The following RABEP1 variants were observed in gnomAD, a reference collection of about 807,000 sequenced individuals.
RABEP1 encodes the protein rab GTPase-binding effector protein 1.
A neutral mutation model predicts 123.4 loss-of-function variants in RABEP1; 51 were observed. The observed-to-expected ratio is 0.41, with a 90% CI of 0.33 to 0.52. The LOEUF is 0.52. Among genes scored for constraint, RABEP1 ranks in the 20% least tolerant of loss-of-function variants. The probability of loss-of-function intolerance (pLI) is 0.16; values close to 1 mark genes in which losing one functional copy is unlikely to be tolerated. For synonymous variants in RABEP1, 347 were observed against 355.2 expected (o/e 0.98, Z 0.26); for missense variants, 888 against 996.3 (o/e 0.89, Z 1.46).
chr17:5,327,332 A>T (rs771308214), intron 2 of RABEP1, among the ~76,000 whole-genome samples: 4 of 150,348 alleles, frequency 2.7e-5, no homozygotes, highest in African/African-American at 4.9e-5. Flanking sequence ...TGGGAGACAG[A>T]GTGAGATTCT....
At chr17:5,380,853 G>GT (rs1231237600) in intron 16 of RABEP1, among the ~76,000 whole-genome samples, 1 of 152,256 alleles carries the variant, frequency 6.6e-6, no homozygotes, top group Non-Finnish European at 1.5e-5. Context: ...AAACGTGCAT[G>GT]TTGTGGGGGT....
chr17:5,297,559 A>G lies in RABEP1; in HGVS notation c.35-11135A>G, dbSNP rs535720967. Among the ~76,000 whole-genome samples the G allele has an allele frequency of 7.7e-4, 118 of 152,304 alleles. 1 individual carries two copies. The highest frequency in any genetic ancestry group is 1.0e-3 in the Non-Finnish European group (71 of 68,030). On this transcript the variant is annotated intron_variant, in intron 1 of 17. Coordinates refer to ENST00000537505, the MANE Select transcript of RABEP1 (RefSeq NM_004703.6). ...TCTGCTACTTACTAGCTGTATATCA[A>G]TAGGTTAGCTTAATCTTAGAATGTT...
At chr17:5,367,756 CT>C (rs961377229) in intron 11 of RABEP1, among the ~76,000 whole-genome samples, 29 of 146,516 alleles carry the variant, frequency 2.0e-4, no homozygotes, top group South Asian at 2.3e-4. Flanking sequence ...AATTTTCTCT[CT>C]TTTTTTTTTA....
At chr17:5,382,312 C>T (rs923919405) in intron 17 of RABEP1, among the ~76,000 whole-genome samples, 5 of 151,152 alleles carry the variant, frequency 3.3e-5, no homozygotes, top group East Asian at 2.0e-4. Context: ...AAACTCCTGA[C>T]CTCAGGTGAT....
intron 4 of RABEP1, among the ~76,000 whole-genome samples, chr17:5,337,718 G>C (rs1396904754): frequency 6.6e-6 from 1 of 151,958 alleles, no homozygotes; most frequent in Non-Finnish European, 1.5e-5. Context: ...TTTATTATGT[G>C]TATTTCCTTT....
rs776950646 is a variant in RABEP1, at chr17:5,386,187, G to T, written c.*2964G>T. On this transcript the variant is annotated 3_prime_UTR_variant, in exon 18 of 18. Coordinates refer to ENST00000537505, the MANE Select transcript of RABEP1 (RefSeq NM_004703.6). The stretch of plus-strand genomic sequence containing the variant: ...CTTCAATGGTGTTCAGTTCAGGTGT[G>T]AGTCAGCTCCTGGTGGTGTCAGAAG... 18 of 1,601,286 alleles carry T rather than the reference G, an allele frequency of 1.1e-5. 1 individual carries two copies. The South Asian group carries it at 1.9e-4, about 17-fold the overall frequency.
intron 2 of RABEP1, among the ~76,000 whole-genome samples, chr17:5,320,439 A>AAG (rs1555520173): frequency 1.9e-4 from 24 of 128,952 alleles, no homozygotes; most frequent in Admixed American, 1.1e-3. Flanking sequence ...AAAAAAAAAA[A>AAG]AAAAAGAAAA....
chr17:5,341,743 T>C (rs979739525), intron 5 of RABEP1, among the ~76,000 whole-genome samples: 15 of 152,232 alleles, frequency 9.9e-5, no homozygotes, highest in Admixed American at 4.6e-4. Flanking sequence ...AAATACATCA[T>C]GACCAAGTAG....
At chr17:5,362,671 C>T (rs1909655592) in intron 9 of RABEP1, among the ~76,000 whole-genome samples, 1 of 152,172 alleles carries the variant, frequency 6.6e-6, no homozygotes, top group Admixed American at 6.5e-5. Flanking sequence ...GTGTTTTCCT[C>T]ACATGTGATG....
At chr17:5,311,828 G>A (rs1209631488) in intron 2 of RABEP1, among the ~76,000 whole-genome samples, 2 of 151,594 alleles carry the variant, frequency 1.3e-5, no homozygotes, top group Admixed American at 6.6e-5. Flanking sequence ...TTTACTGCTA[G>A]AAAAAGATAG....
intron 15 of RABEP1, 29 bp from the exon 16 acceptor site, chr17:5,380,335 G>T: frequency 1.4e-6 from 2 of 1,474,646 alleles, no homozygotes; most frequent in South Asian, 1.2e-5. Flanking sequence ...GGGAGTTTCT[G>T]TGAGTTTCAG....
chr17:5,332,112 G>T lies in RABEP1; in HGVS notation c.327G>T (p.Gln109His), dbSNP rs770073591. 1 of 1,614,014 alleles carries T rather than the reference G, an allele frequency of 6.2e-7. No homozygotes were observed. Among genetic ancestry groups the T allele is most frequent in the African/African-American group, 1.3e-5 (1 of 74,934 alleles). ...AAGCTATAGATGAAGTGAAAAGACA[G>T]TGGAGAGAAGAAGTTGCTTCACTTC... ...KQEAIDEVKR[Q>H]WREEVASLQA... Residue 109 changes from glutamine (Q) to histidine (H), a missense_variant, in exon 3 of 18, where the codon CAG becomes CAT. Coordinates refer to ENST00000537505, the MANE Select transcript of RABEP1 (RefSeq NM_004703.6).
intron 16 of RABEP1, among the ~76,000 whole-genome samples, chr17:5,380,727 C>T (rs1357922749): frequency 6.6e-6 from 1 of 152,226 alleles, no homozygotes; most frequent in Non-Finnish European, 1.5e-5. Context: ...CTGGGCACTG[C>T]CCAGTTAGAA....
chr17:5,314,613 G>A (rs921384749), intron 2 of RABEP1, among the ~76,000 whole-genome samples: 3 of 151,544 alleles, frequency 2.0e-5, no homozygotes, highest in Non-Finnish European at 4.4e-5. Context: ...CCGCCTCCTG[G>A]CTTCACGCCA....
intron 1 of RABEP1, among the ~76,000 whole-genome samples, chr17:5,300,750 GT>G (rs1162496092): frequency 6.6e-6 from 1 of 152,176 alleles, no homozygotes; most frequent in East Asian, 1.9e-4. Flanking sequence ...GTGACAGTAT[GT>G]TTTGCCCAAG....
intron 1 of RABEP1, among the ~76,000 whole-genome samples, chr17:5,294,691 A>C (rs1316653514): frequency 8.3e-5 from 9 of 108,384 alleles, no homozygotes; most frequent in Non-Finnish European, 1.4e-4. Flanking sequence ...TCTGTCACCC[A>C]GGCTGGAGTG....
intron 11 of RABEP1, among the ~76,000 whole-genome samples, chr17:5,367,557 C>T (rs754806360): frequency 1.3e-5 from 2 of 151,230 alleles, no homozygotes; most frequent in African/African-American, 2.4e-5. Flanking sequence ...GCGTGAGTCA[C>T]CGTGCCCAGC....
At position 5,299,719 on chromosome 17, in the gene RABEP1, C is replaced by CTTTTTTTTTTTTTTTTTT. The variant is rs146585957; in HGVS notation, c.35-8970_35-8969insTTTTTTTTTTTTTTTTTT. Reference sequence around the variant, plus strand: ...TCATTTCTTTTTCTTTTTTTCTTTTCTTTTTCTTTTTCTTTTTTTTTTTTT... The same window carrying CTTTTTTTTTTTTTTTTTT: ...TCATTTCTTTTTCTTTTTTTCTTTTCTTTTTTTTTTTTTTTTTTTTTTTCTTTTTCTTTTTTTTTTTTT... On this transcript the variant is annotated intron_variant, in intron 1 of 17. Coordinates refer to ENST00000537505, the MANE Select transcript of RABEP1 (RefSeq NM_004703.6). Among the ~76,000 whole-genome samples the CTTTTTTTTTTTTTTTTTT allele has an allele frequency of 3.3e-4, 33 of 98,842 alleles. 5 individuals are homozygous for CTTTTTTTTTTTTTTTTTT. The highest frequency in any genetic ancestry group is 6.1e-4 in the South Asian group (1 of 1,650). The allele number at this position is 98,842 out of a possible 152,430, so 64.8% of individuals were successfully genotyped here. A position where few individuals can be genotyped will look rare whatever the true frequency, so the allele number is the denominator to read the frequency against.
At chr17:5,284,806 A>G (rs538245839) in intron 1 of RABEP1, among the ~76,000 whole-genome samples, 8 of 151,450 alleles carry the variant, frequency 5.3e-5, no homozygotes, top group African/African-American at 1.9e-4. Context: ...ACTCATGTAG[A>G]CCATTTTAGC....
Sources: gnomAD v4.1 joint callset for allele counts (sites outside exome capture counted in the v4.1 genomes callset) on GRCh38, gnomAD v4.1.1 for gene constraint, MANE v1.5 for transcripts, NCBI Gene and HGNC (gene_info 2026-07-23, HGNC 2026-07-21) for gene names.